FCHO1: variants seen among roughly 807,000 people sequenced by gnomAD.
FCHO1 encodes FCH and mu domain containing endocytic adaptor 1, also known as F-BAR domain only protein 1.
FCHO1 carries 45 observed loss-of-function variants against 114.4 expected under a neutral mutation model. The observed-to-expected ratio is 0.39, with a 90% CI of 0.31 to 0.50. FCHO1 has a LOEUF of 0.50. FCHO1 is among the 20% of genes least tolerant of loss of function. FCHO1 has a pLI of 0.77. For synonymous variants in FCHO1, 480 were observed against 488.9 expected (o/e 0.98, Z 0.24); for missense variants, 1,042 against 1,209.6 (o/e 0.86, Z 2.06).
chr19:17,748,374 G>A (rs1196526332), upstream of FCHO1, among the ~76,000 whole-genome samples: 1 of 152,108 alleles, frequency 6.6e-6, no homozygotes, highest in Non-Finnish European at 1.5e-5. Flanking sequence ...CCTTAAGGAT[G>A]GGGTGGGGGG....
rs200605619 is a variant in FCHO1, at chr19:17,784,826, C to T, written c.2328C>T (p.Pro776=). ...TCTCAGTGGAGTACGGCTACCGGCCCGGTGCCACGGCTGTGCCCACACCAC... is the reference window on the plus strand; with the variant it reads ...TCTCAGTGGAGTACGGCTACCGGCCTGGTGCCACGGCTGTGCCCACACCAC... ...TQVSVEYGYR[P]GATAVPTPLT... Residue 776 remains proline (P), a synonymous_variant, in exon 26 of 29, where the codon CCC becomes CCT. Coordinates refer to ENST00000596536, the MANE Select transcript of FCHO1 (RefSeq NM_015122.3). The surrounding 1 kb of genome is among the most constrained non-coding windows in gnomAD (Gnocchi z 5.3). 136 of 1,614,026 alleles carry T rather than the reference C, an allele frequency of 8.4e-5. 3 individuals carry two copies. In the East Asian group the frequency reaches 9.1e-4, roughly 11 times the overall value.
At chr19:17,777,354 TAAAG>T (rs2071761291) in intron 18 of FCHO1, among the ~76,000 whole-genome samples, 1 of 150,990 alleles carries the variant, frequency 6.6e-6, no homozygotes, top group Non-Finnish European at 1.5e-5. Context: ...CTGACCAACA[TAAAG>T]AAACCCCATC....
Position 17,776,227 on chromosome 19 carries a change from G to C in FCHO1, c.1183-20G>C, listed in dbSNP as rs1453445533. 1.9e-6 allele frequency: 3 copies of C among 1,614,008 alleles called. No individual in the cohort carries two copies. The highest frequency in any genetic ancestry group is 2.5e-6 in the Non-Finnish European group (3 of 1,180,022). ...CTGGCTGGATGCATTCGTGTGTGAT[G>C]TTGCCCACTTTGTCCACAGGGCACC... On this transcript the variant is annotated intron_variant, in intron 16 of 28. Transcript: ENST00000596536. The surrounding 1 kb of genome is among the most constrained non-coding windows in gnomAD (Gnocchi z 4.4).
intron 7 of FCHO1, among the ~76,000 whole-genome samples, chr19:17,767,828 T>C (rs1230373731): frequency 1.3e-5 from 2 of 152,210 alleles, no homozygotes; most frequent in African/African-American, 4.8e-5. Flanking sequence ...TCTGTCCCTT[T>C]ACAGAAAACA....
intron 7 of FCHO1, among the ~76,000 whole-genome samples, chr19:17,768,823 C>T (rs62121733): frequency 0.45 from 68,109 of 151,666 alleles, 16,132 homozygotes; most frequent in East Asian, 0.71. Flanking sequence ...GCATGGGTCA[C>T]TGTGCCTGGC....
intron 9 of FCHO1, 98 bp downstream of exon 9, chr19:17,770,994 C>G (rs1486080314): frequency 1.9e-6 from 2 of 1,050,748 alleles, no homozygotes; most frequent in South Asian, 2.7e-5. Flanking sequence ...TGGCTCACAC[C>G]TGTAATCCCA....
Position 17,778,620 on chromosome 19 carries a change from C to T in FCHO1, c.1363C>T (p.Leu455=), listed in dbSNP as rs1451133843. 2 of 1,566,684 alleles carry T rather than the reference C, an allele frequency of 1.3e-6. No homozygotes were observed. Among genetic ancestry groups the T allele is most frequent in the South Asian group, 1.2e-5 (1 of 85,344 alleles). The part of the protein sequence containing the change: ...DHEDFTGSSS[L]GFTSSPSPFS... ...CTTCCCTCCCCAAGGCTCTAGCAGC[C>T]TGGGCTTCACCTCCAGCCCCTCCCC... Residue 455 remains leucine, a synonymous_variant, in exon 20 of 29, where the codon CTG becomes TTG. Coordinates refer to ENST00000596536, the MANE Select transcript of FCHO1 (RefSeq NM_015122.3).
Position 17,775,815 on chromosome 19 carries a change from G to A in FCHO1, c.1004-168G>A, listed in dbSNP as rs1431887672. Among the ~76,000 whole-genome samples the A allele has an allele frequency of 6.6e-6, 1 of 151,912 alleles. No individual in the cohort carries two copies. The highest frequency in any genetic ancestry group is 2.4e-5 in the African/African-American group (1 of 41,312). On this transcript the variant is annotated intron_variant, in intron 15 of 28. Coordinates refer to ENST00000596536, the MANE Select transcript of FCHO1 (RefSeq NM_015122.3). This position sits in a 1 kb window ranked among gnomAD's most constrained non-coding sequence, Gnocchi z 5.1. ...CTTGTGCAAAGGCTTCTCGGGGGGG[G>A]TGGGAGTGCTGGTGGGACATGGTGT...
rs745818111 is a variant in FCHO1, at chr19:17,775,205, T to C, written c.945+125T>C. On this transcript the variant is annotated intron_variant, in intron 14 of 28. Coordinates refer to ENST00000596536, the MANE Select transcript of FCHO1 (RefSeq NM_015122.3). This position sits in a 1 kb window ranked among gnomAD's most constrained non-coding sequence, Gnocchi z 5.1. ...CGAGATTGAGGGGCGGGCTGGAGCC[T>C]GGGGGCTGGGTTCATATCCCACCTC... 1.3e-5 allele frequency: 15 copies of C among 1,129,408 alleles called. No individual in the cohort carries two copies. The highest frequency in any genetic ancestry group is 7.1e-5 in the Admixed American group (3 of 42,372). The allele number at this position is 1,129,408 out of a possible 1,614,324, so 70.0% of individuals were successfully genotyped here.
rs2093769927 is a variant in FCHO1, at chr19:17,785,265, G to A, written c.2426+341G>A. Among the ~76,000 whole-genome samples the A allele has an allele frequency of 2.0e-5, 3 of 152,182 alleles. No individual in the cohort carries two copies. The South Asian group carries it at 6.2e-4, about 32-fold the overall frequency. On this transcript the variant is annotated intron_variant, in intron 26 of 28. Transcript: ENST00000596536. Reference sequence around the variant, plus strand: ...GATGAAGTCTCGCTCTGTCGTGCAGGTTGGAGTGCAGTGGCACGATCTCAG... The same window carrying A: ...GATGAAGTCTCGCTCTGTCGTGCAGATTGGAGTGCAGTGGCACGATCTCAG...
chr19:17,780,453 C>T lies in FCHO1; in HGVS notation c.1628-778C>T, dbSNP rs183484960. Among the ~76,000 whole-genome samples the T allele has an allele frequency of 2.1e-3, 318 of 152,140 alleles. 1 individual carries two copies. Among genetic ancestry groups the T allele is most frequent in the African/African-American group, 7.5e-3 (311 of 41,514 alleles). Reference sequence around the variant, plus strand: ...TGTTGAGATTACAGGCGTGAGCCACCGCACCCGGCCTGAGTAGAGGCTCTT... The same window carrying T: ...TGTTGAGATTACAGGCGTGAGCCACTGCACCCGGCCTGAGTAGAGGCTCTT... On this transcript the variant is annotated intron_variant, in intron 20 of 28. Transcript: ENST00000596536.
intron 1 of FCHO1, chr19:17,752,523 G>A (rs2082243522): frequency 1.8e-5 from 1 of 55,450 alleles, no homozygotes; most frequent in Admixed American, 3.1e-4. Flanking sequence ...GCCTCCCAAA[G>A]TGCTGGGATT....
At chr19:17,769,628 CACACAA>C (rs1211253660) in intron 7 of FCHO1, among the ~76,000 whole-genome samples, 2 of 117,422 alleles carry the variant, frequency 1.7e-5, no homozygotes, top group East Asian at 2.4e-4. Flanking sequence ...CACACACACA[CACACAA>C]AACGGTGAGT....
At chr19:17,771,357 A>T (rs2091448501) in intron 9 of FCHO1, among the ~76,000 whole-genome samples, 1 of 136,754 alleles carries the variant, frequency 7.3e-6, no homozygotes, top group Admixed American at 7.3e-5. Context: ...ACAGGTGTAT[A>T]TAAAAAAAAA....
At position 17,776,203 on chromosome 19, in the gene FCHO1, T is replaced by G. The variant is rs1194133375; in HGVS notation, c.1182+42T>G. ...GTGCCCTGGGTGTTGCTAGAGAGGC[T>G]GGCTGGATGCATTCGTGTGTGATGT... is the stretch of plus-strand genomic sequence containing the variant. On this transcript the variant is annotated intron_variant, in intron 16 of 28. Coordinates refer to ENST00000596536, the MANE Select transcript of FCHO1 (RefSeq NM_015122.3). The surrounding 1 kb of genome is among the most constrained non-coding windows in gnomAD (Gnocchi z 4.4). The G allele has an allele frequency of 6.2e-7, 1 of 1,614,026 alleles. No individual in the cohort carries two copies. The highest frequency in any genetic ancestry group is 8.5e-7 in the Non-Finnish European group (1 of 1,179,974).
chr19:17,772,627 C>A lies in FCHO1; in HGVS notation c.694-18C>A, dbSNP rs1389764830. 1 of 1,613,818 alleles carries A rather than the reference C, an allele frequency of 6.2e-7. No individual in the cohort carries two copies. The highest frequency in any genetic ancestry group is 1.7e-5 in the Admixed American group (1 of 60,006). On this transcript the variant is annotated intron_variant, in intron 10 of 28. Coordinates refer to ENST00000596536, the MANE Select transcript of FCHO1 (RefSeq NM_015122.3). ...AAAGGGGCCTTGACCAGTTACACAC[C>A]CCGCCCACCCGGCACAGGTGCATGA...
intron 11 of FCHO1, among the ~76,000 whole-genome samples, chr19:17,773,703 C>A (rs568321613): frequency 2.0e-5 from 3 of 152,158 alleles, no homozygotes; most frequent in Non-Finnish European, 4.4e-5. Flanking sequence ...TCATGTCACC[C>A]CCTGCGGTGG....
chr19:17,765,440 G>A (rs1337262511), intron 6 of FCHO1, among the ~76,000 whole-genome samples: 1 of 152,004 alleles, frequency 6.6e-6, no homozygotes, highest in African/African-American at 2.4e-5. Context: ...GGGAAGCTGA[G>A]GTGGGAGGAT....
At chr19:17,771,309 T>C (rs115444650) in intron 9 of FCHO1, among the ~76,000 whole-genome samples, 1,996 of 151,380 alleles carry the variant, frequency 0.013, 49 homozygotes, top group African/African-American at 0.045. Context: ...TCAGAACTTT[T>C]TTCAAGTTAC....
Sources: gnomAD v4.1 joint callset for allele counts (sites outside exome capture counted in the v4.1 genomes callset) on GRCh38, gnomAD v4.1.1 for gene constraint, Gnocchi (gnomAD v3.1) non-coding constraint, MANE v1.5 for transcripts, NCBI Gene and HGNC (gene_info 2026-07-23, HGNC 2026-07-21) for gene names.